The following STX17 variants were observed in gnomAD, a reference collection of about 807,000 sequenced individuals.
STX17 encodes syntaxin 17.
In STX17, 29 loss-of-function variants were observed where a neutral mutation model predicts 35.9. The ratio of observed to expected loss-of-function variants is 0.81; its 90% CI spans 0.60 to 1.10. The LOEUF (loss-of-function observed/expected upper bound fraction) is 1.10, where lower values mean the gene tolerates loss of function less well. Among genes scored for constraint, STX17 ranks in the 50% least tolerant of loss-of-function variants. The probability of loss-of-function intolerance (pLI) is 0.00; values close to 1 mark genes in which losing one functional copy is unlikely to be tolerated. For synonymous variants in STX17, 92 were observed against 118.3 expected (o/e 0.78, Z 1.44); for missense variants, 312 against 352.3 (o/e 0.89, Z 0.92).
chr9:99,945,768 CA>C (rs1587930711), intron 3 of STX17: 72 of 392,548 alleles, frequency 1.8e-4, no homozygotes, highest in Middle Eastern at 4.5e-4. Context: ...AACTGTGGAA[CA>C]AAAATTTTTT....
chr9:99,955,760 A>G (rs1175438906), intron 4 of STX17, among the ~76,000 whole-genome samples: 4 of 152,078 alleles, frequency 2.6e-5, no homozygotes, highest in Non-Finnish European at 5.9e-5. Flanking sequence ...AACAGTGGTG[A>G]GTGATAGGTC....
chr9:99,959,667 C>T (rs1829788679), intron 4 of STX17, among the ~76,000 whole-genome samples: 1 of 151,920 alleles, frequency 6.6e-6, no homozygotes, highest in Non-Finnish European at 1.5e-5. Context: ...CACTCTGTTG[C>T]CCAGACGGGT....
chr9:99,934,863 CTT>C (rs1285986060), intron 3 of STX17, among the ~76,000 whole-genome samples: 3 of 151,850 alleles, frequency 2.0e-5, no homozygotes, highest in Non-Finnish European at 1.5e-5. Flanking sequence ...TTTCAATTAA[CTT>C]AAAATAATTA....
At chr9:99,952,720 G>A (rs901539611) in intron 4 of STX17, among the ~76,000 whole-genome samples, 75 of 152,230 alleles carry the variant, frequency 4.9e-4, no homozygotes, top group African/African-American at 1.6e-3. Flanking sequence ...ATGAGTTCAT[G>A]TCCTTTGTAG....
intron 2 of STX17, among the ~76,000 whole-genome samples, chr9:99,918,083 A>G (rs1828812134): frequency 6.6e-6 from 1 of 152,132 alleles, no homozygotes; most frequent in South Asian, 2.1e-4. Flanking sequence ...AATAACCAGA[A>G]TCATACCTTT....
intron 1 of STX17, among the ~76,000 whole-genome samples, chr9:99,910,538 G>A (rs1402510158): frequency 2.0e-5 from 3 of 151,780 alleles, no homozygotes; most frequent in Admixed American, 6.6e-5. Context: ...TTATTTTTAT[G>A]TTACTTTTTT....
intron 3 of STX17, among the ~76,000 whole-genome samples, chr9:99,946,249 C>G (rs979189966): frequency 6.6e-6 from 1 of 152,016 alleles, no homozygotes; most frequent in African/African-American, 2.4e-5. Context: ...GGAGGATATT[C>G]ATAGGTTTTA....
At chr9:99,940,332 C>T (rs947795265) in intron 3 of STX17, among the ~76,000 whole-genome samples, 3 of 151,624 alleles carry the variant, frequency 2.0e-5, no homozygotes, top group Non-Finnish European at 4.4e-5. Flanking sequence ...GGTTTTACCA[C>T]GTTGGCCAGG....
At chr9:99,912,555 C>G (rs1828686907) in intron 1 of STX17, among the ~76,000 whole-genome samples, 1 of 152,048 alleles carries the variant, frequency 6.6e-6, no homozygotes, top group African/African-American at 2.4e-5. Flanking sequence ...TATTTTCTCC[C>G]TTTATACAGG....
chr9:99,950,556 C>T (rs913122792), intron 3 of STX17, among the ~76,000 whole-genome samples: 1 of 151,968 alleles, frequency 6.6e-6, no homozygotes, highest in Non-Finnish European at 1.5e-5. Flanking sequence ...TTATTCTACA[C>T]TACACCGTGG....
In STX17 at chr9:99,973,760, A is replaced by G. The variant is rs991192207; in HGVS notation, c.*5087A>G. Among the ~76,000 whole-genome samples the G allele has an allele frequency of 2.0e-5, 3 of 152,050 alleles. No individual in the cohort carries two copies. The highest frequency in any genetic ancestry group is 7.2e-5 in the African/African-American group (3 of 41,390). On this transcript the variant is annotated 3_prime_UTR_variant, in exon 8 of 8. Coordinates refer to ENST00000259400, the MANE Select transcript of STX17 (RefSeq NM_017919.3). ...GAATTAACAACCATGTCCATCTTTC[A>G]TTTTTCTGCTGAAAGATTTTCAGTG...
At chr9:99,951,001 G>C in intron 3 of STX17, 59 bp from the exon 4 acceptor site, 1 of 1,426,152 alleles carries the variant, frequency 7.0e-7, no homozygotes, top group South Asian at 1.3e-5. Context: ...CATTACTTCT[G>C]AAAAGAAAGA....
chr9:99,952,955 C>A (rs375903621), intron 4 of STX17, among the ~76,000 whole-genome samples: 2 of 151,806 alleles, frequency 1.3e-5, no homozygotes, highest in South Asian at 4.2e-4. Context: ...TGCAGCACAC[C>A]AGCATGGCAC....
chr9:99,961,511 T>G (rs931993320), intron 6 of STX17, among the ~76,000 whole-genome samples: 5 of 152,158 alleles, frequency 3.3e-5, no homozygotes, highest in African/African-American at 1.2e-4. Flanking sequence ...GAAAGATAGA[T>G]TTTCCACCAT....
At chr9:99,965,780 A>G (rs934773740) in intron 6 of STX17, among the ~76,000 whole-genome samples, 2 of 152,302 alleles carry the variant, frequency 1.3e-5, no homozygotes, top group South Asian at 2.1e-4. Context: ...AGTTAAATAT[A>G]TTTTTTGATA....
intron 3 of STX17, 134 bp from the exon 4 acceptor site, chr9:99,950,926 A>G: frequency 1.2e-6 from 1 of 839,206 alleles, no homozygotes; most frequent in Non-Finnish European, 1.8e-6. Flanking sequence ...GAAAATGTAA[A>G]AGTATTATGC....
intron 3 of STX17, among the ~76,000 whole-genome samples, chr9:99,943,572 G>T (rs1189115191): frequency 6.6e-6 from 1 of 152,210 alleles, no homozygotes; most frequent in Non-Finnish European, 1.5e-5. Context: ...GCCTCCCAAA[G>T]TGCTGAGATT....
At chr9:99,953,947 G>A (rs1375591013) in intron 4 of STX17, 2 of 151,970 alleles carry the variant, frequency 1.3e-5, no homozygotes, top group Non-Finnish European at 2.9e-5. Flanking sequence ...ATTATTAATA[G>A]AAAAAGGCAG....
chr9:99,919,313 A>G (rs1828847544), intron 2 of STX17, among the ~76,000 whole-genome samples: 1 of 152,130 alleles, frequency 6.6e-6, no homozygotes, highest in South Asian at 2.1e-4. Context: ...CATGCTGCCC[A>G]GGCCCATCCC....
Sources: gnomAD v4.1 joint callset for allele counts (sites outside exome capture counted in the v4.1 genomes callset) on GRCh38, gnomAD v4.1.1 for gene constraint, MANE v1.5 for transcripts, NCBI Gene and HGNC (gene_info 2026-07-23, HGNC 2026-07-21) for gene names.